Variants in NALF1 observed in about 807,000 individuals in gnomAD.
NALF1 encodes the protein family with sequence similarity 155 member A.
NALF1 carries 3 observed loss-of-function variants against 48.4 expected under a neutral mutation model. The observed-to-expected ratio is 0.06, with a 90% CI of 0.03 to 0.16. The LOEUF is 0.16. NALF1 is among the 10% of genes least tolerant of loss of function. NALF1 has a pLI of 1.00. For synonymous variants in NALF1, 262 were observed against 245.7 expected, an observed-to-expected ratio of 1.07 and a Z score of -0.62; for missense variants, 526 against 571.5, an observed-to-expected ratio of 0.92 and a Z score of 0.81.
intron 1 of NALF1, among the ~76,000 whole-genome samples, chr13:107,673,672 A>G (rs1025554702): frequency 9.2e-5 from 14 of 152,206 alleles, no homozygotes; most frequent in African/African-American, 3.4e-4. Flanking sequence ...AACAGCTAGA[A>G]GAATAGTGAA....
chr13:107,861,518 C>T (rs1880567458), intron 1 of NALF1, among the ~76,000 whole-genome samples: 1 of 152,212 alleles, frequency 6.6e-6, no homozygotes, highest in African/African-American at 2.4e-5. Flanking sequence ...GGCGCTGTGG[C>T]TCACACTTGT....
chr13:107,383,833 A>G (rs952808080), intron 1 of NALF1, among the ~76,000 whole-genome samples: 1 of 152,214 alleles, frequency 6.6e-6, no homozygotes, highest in African/African-American at 2.4e-5. Context: ...GGAAGTTAAG[A>G]CGCAACTCTC....
At chr13:107,360,787 CAATTGT>C (rs1202625609) in intron 1 of NALF1, among the ~76,000 whole-genome samples, 1 of 152,158 alleles carries the variant, frequency 6.6e-6, no homozygotes, top group Non-Finnish European at 1.5e-5. Flanking sequence ...TAGAATGCAA[CAATTGT>C]AATAGGCTGG....
chr13:107,532,706 C>T lies in NALF1; in HGVS notation c.916-321951G>A, dbSNP rs1326895814. On this transcript the variant is annotated intron_variant, in intron 1 of 2. Coordinates refer to ENST00000375915, the MANE Select transcript of NALF1 (RefSeq NM_001080396.3). Reference sequence around the variant, plus strand: ...CATTTCAACTTTAATTTTTCTGTCTCATGTGTTTGGTCCATTTATGTGATT... The same window carrying T: ...CATTTCAACTTTAATTTTTCTGTCTTATGTGTTTGGTCCATTTATGTGATT... Among the ~76,000 whole-genome samples the T allele has an allele frequency of 2.6e-5, 4 of 151,936 alleles. No individual in the cohort carries two copies. The East Asian group carries it at 5.8e-4, about 22-fold the overall frequency.
At chr13:107,186,125 C>A (rs1879165625) in intron 2 of NALF1, among the ~76,000 whole-genome samples, 1 of 152,154 alleles carries the variant, frequency 6.6e-6, no homozygotes, top group Non-Finnish European at 1.5e-5. Context: ...CACTTAGTAG[C>A]TGTTTTGGTT....
chr13:107,349,482 C>T (rs540861062), intron 1 of NALF1, among the ~76,000 whole-genome samples: 57 of 152,220 alleles, frequency 3.7e-4, no homozygotes, highest in African/African-American at 1.3e-3. Context: ...GTGGCTCACA[C>T]CTGTAATCCC....
intron 1 of NALF1, among the ~76,000 whole-genome samples, chr13:107,437,516 C>T (rs1184282530): frequency 6.6e-6 from 1 of 152,158 alleles, no homozygotes; most frequent in African/African-American, 2.4e-5. Context: ...AGCACACTGG[C>T]TGAACAAATC....
At chr13:107,769,912 T>C (rs1877529970) in intron 1 of NALF1, among the ~76,000 whole-genome samples, 1 of 152,026 alleles carries the variant, frequency 6.6e-6, no homozygotes, top group Non-Finnish European at 1.5e-5. Context: ...TGCTTTGTTT[T>C]GTTTTGTTTT....
At chr13:107,725,578 G>A (rs965177523) in intron 1 of NALF1, among the ~76,000 whole-genome samples, 4 of 152,108 alleles carry the variant, frequency 2.6e-5, no homozygotes, top group African/African-American at 4.8e-5. Flanking sequence ...GGGCGCAGAG[G>A]CGCACGCCTG....
At chr13:107,659,467 T>C (rs1880671039) in intron 1 of NALF1, among the ~76,000 whole-genome samples, 1 of 151,828 alleles carries the variant, frequency 6.6e-6, no homozygotes, top group South Asian at 2.1e-4. Flanking sequence ...TACTTATTTC[T>C]AGAGACCTAT....
chr13:107,317,972 TC>T (rs1277682352), intron 1 of NALF1, among the ~76,000 whole-genome samples: 1 of 152,026 alleles, frequency 6.6e-6, no homozygotes, highest in African/African-American at 2.4e-5. Context: ...GCATTCAAAA[TC>T]CAGTAGCATC....
intron 1 of NALF1, among the ~76,000 whole-genome samples, chr13:107,394,442 G>A (rs571024190): frequency 2.0e-5 from 3 of 152,096 alleles, no homozygotes; most frequent in Non-Finnish European, 4.4e-5. Context: ...TTCAGACTGG[G>A]ACACCTTTGA....
At chr13:107,857,405 A>G (rs563762012) in intron 1 of NALF1, among the ~76,000 whole-genome samples, 7 of 152,324 alleles carry the variant, frequency 4.6e-5, no homozygotes, top group African/African-American at 1.7e-4. Context: ...TGGCTTTCCA[A>G]TGCCTGACAG....
chr13:107,566,969 C>T (rs1475085481), intron 1 of NALF1, among the ~76,000 whole-genome samples: 1 of 151,960 alleles, frequency 6.6e-6, no homozygotes, highest in Non-Finnish European at 1.5e-5. Context: ...TGCCAGGGTT[C>T]ATTTTATTTT....
At chr13:107,482,348 G>A (rs1384030583) in intron 1 of NALF1, among the ~76,000 whole-genome samples, 1 of 151,962 alleles carries the variant, frequency 6.6e-6, no homozygotes, top group East Asian at 1.9e-4. Context: ...CTCTGTCCAT[G>A]CACACACACA....
intron 1 of NALF1, among the ~76,000 whole-genome samples, chr13:107,603,944 T>C (rs1878999376): frequency 6.6e-6 from 1 of 152,186 alleles, no homozygotes; most frequent in Non-Finnish European, 1.5e-5. Context: ...ACCAGTCACG[T>C]GCAGGAGGCT....
intron 1 of NALF1, among the ~76,000 whole-genome samples, chr13:107,709,720 A>C (rs1875508795): frequency 6.6e-6 from 1 of 152,240 alleles, no homozygotes; most frequent in Non-Finnish European, 1.5e-5. Context: ...TAAGCAATTT[A>C]TCTCACCTTT....
At chr13:107,791,609 T>C (rs1037760524) in intron 1 of NALF1, among the ~76,000 whole-genome samples, 9 of 152,166 alleles carry the variant, frequency 5.9e-5, no homozygotes, top group African/African-American at 2.2e-4. Context: ...TAAAAAGAAT[T>C]GTACTCAGAA....
Position 107,412,334 on chromosome 13 carries a change from A to G in NALF1, c.916-201579T>C, listed in dbSNP as rs186186491. On this transcript the variant is annotated intron_variant, in intron 1 of 2. Transcript: ENST00000375915. ...TTTCATTTAGTGAATAAAAAATTTAATAATAGTAATTTTTTTAAAAAATTG... is the reference window on the plus strand; with the variant it reads ...TTTCATTTAGTGAATAAAAAATTTAGTAATAGTAATTTTTTTAAAAAATTG... 5.0e-4 allele frequency among the ~76,000 whole-genome samples: 76 copies of G among 152,322 alleles called. 2 individuals carry two copies. Among genetic ancestry groups the G allele is most frequent in the Non-Finnish European group, 1.5e-5 (1 of 68,024 alleles).
Sources: allele counts gnomAD v4.1 joint callset (sites outside exome capture counted in the v4.1 genomes callset), GRCh38; gene constraint gnomAD v4.1.1; transcripts MANE v1.5; gene names NCBI Gene and HGNC (gene_info 2026-07-23, HGNC 2026-07-21).